Variants in NOL4L observed in about 807,000 individuals in gnomAD.
NOL4L encodes nucleolar protein 4 like.
NOL4L carries 7 observed loss-of-function variants against 64.5 expected under a neutral mutation model. The observed-to-expected ratio is 0.11, with a 90% confidence interval of 0.06 to 0.20. NOL4L has a LOEUF of 0.20. Among genes scored for constraint, NOL4L ranks in the 10% least tolerant of loss-of-function variants. NOL4L has a pLI of 1.00. For missense variants in NOL4L, 680 were observed against 967.1 expected (o/e 0.70, Z 3.94); for synonymous variants, 413 against 401.0 (o/e 1.03, Z -0.36).
intron 1 of NOL4L, among the ~76,000 whole-genome samples, chr20:32,539,146 A>C (rs1049031222): frequency 6.6e-6 from 1 of 152,174 alleles, no homozygotes; most frequent in Non-Finnish European, 1.5e-5. Flanking sequence ...GCCCAAGGGC[A>C]GGGCCATGGC....
chr20:32,574,822 G>A (rs1979991099), intron 1 of NOL4L, among the ~76,000 whole-genome samples: 1 of 151,976 alleles, frequency 6.6e-6, no homozygotes, highest in Non-Finnish European at 1.5e-5. Flanking sequence ...CACCGCCACA[G>A]GCTGCCAGCC....
At chr20:32,500,070 G>A (rs1484142097) in intron 4 of NOL4L, among the ~76,000 whole-genome samples, 2 of 151,348 alleles carry the variant, frequency 1.3e-5, no homozygotes, top group African/African-American at 2.5e-5. Flanking sequence ...CTCAGAATAC[G>A]TCAGCATAAG....
At chr20:32,583,330 AG>A (rs962438290) in intron 1 of NOL4L, among the ~76,000 whole-genome samples, 5 of 145,876 alleles carry the variant, frequency 3.4e-5, no homozygotes, top group Admixed American at 2.7e-4. Context: ...GCGGCCGCGG[AG>A]GGGGAGGGGG....
At chr20:32,579,631 G>A (rs1335631784) in intron 1 of NOL4L, among the ~76,000 whole-genome samples, 1 of 152,156 alleles carries the variant, frequency 6.6e-6, no homozygotes, top group African/African-American at 2.4e-5. Flanking sequence ...GAAGAAGGGT[G>A]CACGGTGTCC....
chr20:32,490,745 A>T (rs1204941184), intron 4 of NOL4L, among the ~76,000 whole-genome samples: 1 of 152,252 alleles, frequency 6.6e-6, no homozygotes, highest in African/African-American at 2.4e-5. Context: ...TAAAAATTAC[A>T]ATTTCATTAT....
chr20:32,494,025 G>A (rs902320526), intron 4 of NOL4L, among the ~76,000 whole-genome samples: 1 of 152,140 alleles, frequency 6.6e-6, no homozygotes, highest in Admixed American at 6.6e-5. Flanking sequence ...GGCCAAGGCA[G>A]GTGGATCACC....
chr20:32,568,803 G>A (rs951959610), intron 1 of NOL4L, among the ~76,000 whole-genome samples: 3 of 152,148 alleles, frequency 2.0e-5, no homozygotes, highest in South Asian at 2.1e-4. Flanking sequence ...GAGTCTCTCC[G>A]TCCTGGAACT....
At chr20:32,567,794 A>G (rs549261830) in intron 1 of NOL4L, among the ~76,000 whole-genome samples, 2 of 152,264 alleles carry the variant, frequency 1.3e-5, no homozygotes, top group South Asian at 4.1e-4. Flanking sequence ...CTCAATAAAC[A>G]TGAGCTGACA....
intron 1 of NOL4L, 90 bp from the exon 2 acceptor site, chr20:32,528,003 G>C: frequency 1.0e-6 from 1 of 966,272 alleles, no homozygotes. Flanking sequence ...GTCAGGACGG[G>C]CAATGCCTCC....
At position 32,453,312 on chromosome 20, in the gene NOL4L, T is replaced by C. The variant is rs1393331868; in HGVS notation, c.1489A>G (p.Met497Val). ...KSCRRMKKNG[M>V]EMTRPTPPHL... The stretch of plus-strand genomic sequence containing the variant: ...AGGCAGGGGGGACTCACCATCTCCA[T>C]GCCGTTCTTCTTCATGCGACGGCAG... Residue 497 changes from methionine to valine, a missense_variant, in exon 8 of 11, where the codon ATG (methionine) becomes GTG (valine). Met to Val is a conservative substitution (Grantham distance 21). Coordinates refer to ENST00000621426, the MANE Select transcript of NOL4L (RefSeq NM_001256798.2). This position sits in a 1 kb window ranked among gnomAD's most constrained non-coding sequence, Gnocchi z 5.6. 3.7e-6 allele frequency: 6 copies of C among 1,613,476 alleles called. No individual in the cohort carries two copies. Among genetic ancestry groups the C allele is most frequent in the Admixed American group, 1.7e-5 (1 of 59,986 alleles).
At chr20:32,468,900 C>CAAAAAAAAAAAAAAAAA (rs555969764) in intron 5 of NOL4L, among the ~76,000 whole-genome samples, 1 of 95,302 alleles carries the variant, frequency 1.0e-5, no homozygotes. Context: ...GACTCCATCT[C>CAAAAAAAAAAAAAAAAA]AAAAAAAAAA....
At chr20:32,566,850 G>A (rs1979462477) in intron 1 of NOL4L, among the ~76,000 whole-genome samples, 2 of 152,126 alleles carry the variant, frequency 1.3e-5, no homozygotes, top group Admixed American at 6.5e-5. Context: ...TGTTTATTGG[G>A]TACTGTCAGC....
intron 1 of NOL4L, among the ~76,000 whole-genome samples, chr20:32,570,996 A>G (rs76549062): frequency 0.053 from 8,132 of 152,180 alleles, 761 homozygotes; most frequent in African/African-American, 0.19. Flanking sequence ...AAGTTGTCCA[A>G]GCCACACAGC....
At chr20:32,533,596 AC>A (rs1267593192) in intron 1 of NOL4L, 2 of 152,242 alleles carry the variant, frequency 1.3e-5, no homozygotes, top group African/African-American at 4.8e-5. Context: ...AATGGTGAGA[AC>A]AAAAGAATCT....
At chr20:32,570,019 A>T (rs1979663108) in intron 1 of NOL4L, among the ~76,000 whole-genome samples, 1 of 152,142 alleles carries the variant, frequency 6.6e-6, no homozygotes, top group Non-Finnish European at 1.5e-5. Flanking sequence ...GAGCCTTGCC[A>T]GGAGCCAGGC....
intron 4 of NOL4L, among the ~76,000 whole-genome samples, chr20:32,507,634 C>T (rs1047366804): frequency 3.3e-5 from 5 of 152,210 alleles, no homozygotes; most frequent in East Asian, 1.9e-4. Context: ...CTCTTGGATA[C>T]GTGATGTTGG....
At chr20:32,485,082 A>C (rs1229346914) in intron 4 of NOL4L, among the ~76,000 whole-genome samples, 7 of 147,918 alleles carry the variant, frequency 4.7e-5, no homozygotes, top group Non-Finnish European at 1.0e-4. Flanking sequence ...AAAAAAAAAA[A>C]AAAAACAACT....
At chr20:32,542,911 G>C (rs1375859419) in intron 1 of NOL4L, among the ~76,000 whole-genome samples, 1 of 152,134 alleles carries the variant, frequency 6.6e-6, no homozygotes, top group Non-Finnish European at 1.5e-5. Context: ...TTTAAAGTGG[G>C]GCTTTTAGGA....
chr20:32,484,872 C>G (rs1198310869), intron 4 of NOL4L, among the ~76,000 whole-genome samples: 1 of 151,434 alleles, frequency 6.6e-6, no homozygotes, highest in Admixed American at 6.6e-5. Flanking sequence ...GGACTCGGCC[C>G]GAAAAGCAAC....
Sources: gnomAD v4.1 joint callset for allele counts (sites outside exome capture counted in the v4.1 genomes callset) on GRCh38, gnomAD v4.1.1 for gene constraint, Gnocchi (gnomAD v3.1) non-coding constraint, MANE v1.5 for transcripts, NCBI Gene and HGNC (gene_info 2026-07-23, HGNC 2026-07-21) for gene names.